The following FAM221A variants were observed in gnomAD, a reference collection of about 807,000 sequenced individuals.
FAM221A encodes the protein family with sequence similarity 221 member A.
In FAM221A, 43 loss-of-function variants were observed where a neutral mutation model predicts 37.6. That is an observed-to-expected ratio of 1.15 (90% CI 0.90 to 1.48). The LOEUF (loss-of-function observed/expected upper bound fraction) is 1.48, where lower values mean the gene tolerates loss of function less well. FAM221A is among the 40% of genes most tolerant of loss of function. The probability of loss-of-function intolerance (pLI) is 0.00; values close to 1 mark genes in which losing one functional copy is unlikely to be tolerated. For missense variants in FAM221A, 361 were observed against 361.5 expected, an observed-to-expected ratio of 1.00 and a Z score of 0.01; for synonymous variants, 135 against 132.9, an observed-to-expected ratio of 1.02 and a Z score of -0.11.
Position 23,698,222 on chromosome 7 carries a change from C to T in FAM221A, c.668C>T (p.Pro223Leu), listed in dbSNP as rs1199859376. 15 of 1,593,724 alleles carry T rather than the reference C, an allele frequency of 9.4e-6. No individual in the cohort carries two copies. Among genetic ancestry groups the T allele is most frequent in the Non-Finnish European group, 1.3e-5 (15 of 1,167,518 alleles). Residue 223 changes from proline to leucine, a missense_variant, in exon 5 of 7, where the codon CCC becomes CTC. Coordinates refer to ENST00000344962, the MANE Select transcript of FAM221A (RefSeq NM_199136.5). Reference protein sequence around the residue: ...GVPSVEFLESPITAVDSPFLK... With the variant: ...GVPSVEFLESLITAVDSPFLK... ...CCTTCAGTTGAATTTTTAGAATCTC[C>T]CATTACGGCAGTAGACAGCCCATTC...
intron 5 of FAM221A, among the ~76,000 whole-genome samples, chr7:23,699,076 G>A (rs1467547711): frequency 6.6e-6 from 1 of 151,550 alleles, no homozygotes; most frequent in South Asian, 2.1e-4. Context: ...GAGGAAGCCC[G>A]AGTTCCTCAG....
chr7:23,699,577 C>A (rs1402141454), intron 5 of FAM221A, among the ~76,000 whole-genome samples: 2 of 97,402 alleles, frequency 2.1e-5, no homozygotes, highest in Non-Finnish European at 3.7e-5. Flanking sequence ...GAGTCTTGAT[C>A]TGTTACCCAG....
chr7:23,686,306 C>T (rs1198756102), intron 2 of FAM221A: 2 of 431,210 alleles, frequency 4.6e-6, no homozygotes, highest in Middle Eastern at 1.5e-3. Flanking sequence ...CTCTGTCACT[C>T]AGGTTGGAGT....
Position 23,691,524 on chromosome 7 carries a change from G to T in FAM221A, c.565G>T (p.Ala189Ser), listed in dbSNP as rs760184047. The T allele has an allele frequency of 3.1e-6, 5 of 1,614,080 alleles. No homozygotes were observed. Among genetic ancestry groups the T allele is most frequent in the Non-Finnish European group, 4.2e-6 (5 of 1,180,042 alleles). The change falls in exon 4 of 7, where the codon GCA (alanine) becomes TCA (serine). Residue 189 changes from alanine to serine, a missense_variant. Ala to Ser is a moderately conservative substitution (Grantham distance 99). Transcript: ENST00000344962. ...ACCAGTGGGACAGGACATTCCTTAT[G>T]CAGCCATGGGAGGATTAACTGGTTT... ...EKPVGQDIPY[A>S]AMGGLTGFSS...
At chr7:23,691,714 C>A in intron 4 of FAM221A, 118 bp downstream of exon 4, 1 of 871,224 alleles carries the variant, frequency 1.1e-6, no homozygotes, top group Non-Finnish European at 1.7e-6. Flanking sequence ...AACATTCTCT[C>A]GTTTGATTTT....
rs1175330292 is a variant in FAM221A at position 23,690,170 on chromosome 7, C to CATATATATAT, written c.430+732_430+741dup. 8.3e-4 allele frequency among the ~76,000 whole-genome samples: 57 copies of CATATATATAT among 68,574 alleles called. 1 individual carries two copies. The highest frequency in any genetic ancestry group is 2.8e-3 in the South Asian group (3 of 1,072). The allele number at this position is 68,574 out of a possible 152,430, so 45.0% of individuals were successfully genotyped here. The stretch of plus-strand genomic sequence containing the variant: ...ACTGATTTATTTATATGCCTTGGTT[C>CATATATATAT]ATATATATATATATATATATATATA... On this transcript the variant is annotated intron_variant, in intron 3 of 6. Transcript: ENST00000344962.
At chr7:23,689,526 G>A in intron 3 of FAM221A, 67 bp downstream of exon 3, 8 of 1,210,516 alleles carry the variant, frequency 6.6e-6, no homozygotes, top group Non-Finnish European at 7.9e-6. Flanking sequence ...TATTTAACGT[G>A]CTTTTTTACT....
At chr7:23,700,593 G>A (rs1238257950) in intron 5 of FAM221A, among the ~76,000 whole-genome samples, 193 bp from the exon 6 acceptor site, 2 of 152,194 alleles carry the variant, frequency 1.3e-5, no homozygotes, top group East Asian at 1.9e-4. Flanking sequence ...GTTTGCTAGT[G>A]AAAAACACTT....
intron 5 of FAM221A, among the ~76,000 whole-genome samples, chr7:23,700,531 C>T (rs917749283): frequency 3.3e-5 from 5 of 152,082 alleles, no homozygotes; most frequent in Admixed American, 6.6e-5. Context: ...TACTCTTATA[C>T]GGAATAGCTA....
At chr7:23,696,124 G>A (rs1317507626) in intron 4 of FAM221A, among the ~76,000 whole-genome samples, 1 of 152,150 alleles carries the variant, frequency 6.6e-6, no homozygotes, top group Non-Finnish European at 1.5e-5. Flanking sequence ...TAGCTACATG[G>A]TATAGCCTTT....
intron 1 of FAM221A, among the ~76,000 whole-genome samples, chr7:23,682,546 C>T (rs1418155964): frequency 6.6e-6 from 1 of 151,574 alleles, no homozygotes; most frequent in African/African-American, 2.4e-5. Context: ...CTCAGTGCCT[C>T]AGTTTCCAGA....
chr7:23,682,370 C>CGT (rs1784092658), intron 1 of FAM221A, among the ~76,000 whole-genome samples: 2 of 93,930 alleles, frequency 2.1e-5, no homozygotes, highest in African/African-American at 1.0e-4. Context: ...CTGGCTTTAT[C>CGT]ATGTGTGTGT....
chr7:23,680,777 G>C (rs999007108), intron 1 of FAM221A: 5 of 153,696 alleles, frequency 3.3e-5, no homozygotes, highest in Non-Finnish European at 7.2e-5. Flanking sequence ...CGCTCCTTTG[G>C]CCTGAGGACG....
intron 4 of FAM221A, among the ~76,000 whole-genome samples, chr7:23,695,795 T>A (rs1785022726): frequency 1.3e-5 from 2 of 152,232 alleles, no homozygotes; most frequent in South Asian, 4.1e-4. Flanking sequence ...TCTTATTACT[T>A]AGAGTTTTTA....
intron 4 of FAM221A, chr7:23,694,735 G>A (rs1007190684): frequency 1.3e-5 from 2 of 152,142 alleles, no homozygotes; most frequent in Admixed American, 6.6e-5. Context: ...GATTTCTGTG[G>A]GCTCTCTAGT....
rs1412487589 is a variant in FAM221A, at chr7:23,702,323, G to A, written c.*159G>A. On this transcript the variant is annotated 3_prime_UTR_variant, in exon 7 of 7. Transcript: ENST00000344962. ...TTAATTTATTTAAATAACTAAAAATGCCTATTACTTTTGTCAAAACTCATA... is the reference window on the plus strand; with the variant it reads ...TTAATTTATTTAAATAACTAAAAATACCTATTACTTTTGTCAAAACTCATA... The A allele has an allele frequency of 3.7e-5, 17 of 459,882 alleles. No individual in the cohort carries two copies. Among genetic ancestry groups the A allele is most frequent in the Non-Finnish European group, 5.3e-5 (14 of 262,710 alleles). 28.5% of individuals were successfully genotyped at this position (459,882 alleles called of 1,614,324 possible).
intron 4 of FAM221A, among the ~76,000 whole-genome samples, chr7:23,697,125 T>G (rs770354272): frequency 1.7e-4 from 26 of 152,144 alleles, no homozygotes; most frequent in Non-Finnish European, 2.6e-4. Flanking sequence ...AGTTGAGCAT[T>G]TGAGATCAGT....
At chr7:23,697,410 A>C (rs1785127541) in intron 4 of FAM221A, among the ~76,000 whole-genome samples, 1 of 152,238 alleles carries the variant, frequency 6.6e-6, no homozygotes, top group Non-Finnish European at 1.5e-5. Context: ...TTTTGGTCCA[A>C]AAGTCAATAT....
chr7:23,689,735 G>GT (rs1310018156), intron 3 of FAM221A, among the ~76,000 whole-genome samples: 1 of 152,050 alleles, frequency 6.6e-6, no homozygotes, highest in Non-Finnish European at 1.5e-5. Flanking sequence ...AATAGTAATG[G>GT]ATTTTAAAGA....
Sources: allele counts gnomAD v4.1 joint callset (sites outside exome capture counted in the v4.1 genomes callset), GRCh38; gene constraint gnomAD v4.1.1; transcripts MANE v1.5; gene names NCBI Gene and HGNC (gene_info 2026-07-23, HGNC 2026-07-21).